KANSL1L: variants seen among roughly 807,000 people sequenced by gnomAD.
The protein encoded by KANSL1L is KAT8 regulatory NSL complex subunit 1 like.
A neutral mutation model predicts 108.6 loss-of-function variants in KANSL1L; 25 were observed. That is an observed-to-expected ratio of 0.23 (90% CI 0.17 to 0.32). The LOEUF is 0.32. Among genes scored for constraint, KANSL1L ranks in the 10% least tolerant of loss-of-function variants. The probability of loss-of-function intolerance (pLI) is 1.00; values close to 1 mark genes in which losing one functional copy is unlikely to be tolerated. For synonymous variants in KANSL1L, 405 were observed against 395.1 expected, an observed-to-expected ratio of 1.03 and a Z score of -0.30; for missense variants, 1,137 against 1,125.7, an observed-to-expected ratio of 1.01 and a Z score of -0.14.
chr2:210,033,209 ATGCACT>A (rs1488629180), intron 8 of KANSL1L, among the ~76,000 whole-genome samples: 2 of 152,236 alleles, frequency 1.3e-5, no homozygotes, highest in African/African-American at 2.4e-5. Flanking sequence ...GATTTCAACG[ATGCACT>A]TGCATGTCAA....
intron 5 of KANSL1L, among the ~76,000 whole-genome samples, chr2:210,093,738 C>A (rs2094712262): frequency 6.6e-6 from 1 of 151,964 alleles, no homozygotes; most frequent in Non-Finnish European, 1.5e-5. Flanking sequence ...CTAGAATACC[C>A]AAAACAATTA....
intron 6 of KANSL1L, 24 bp downstream of exon 6, chr2:210,075,528 T>G (rs780677230): frequency 6.6e-7 from 1 of 1,518,766 alleles, no homozygotes; most frequent in South Asian, 1.1e-5. Context: ...TTTGATCATG[T>G]TTTCTTCCCA....
intron 4 of KANSL1L, among the ~76,000 whole-genome samples, chr2:210,103,105 G>T (rs1352566515): frequency 3.3e-5 from 5 of 152,106 alleles, no homozygotes; most frequent in Non-Finnish European, 5.9e-5. Flanking sequence ...AAGAAAATGT[G>T]ACATATATAC....
chr2:210,075,471 A>G (rs749334753), intron 6 of KANSL1L, 81 bp downstream of exon 6: 29 of 910,860 alleles, frequency 3.2e-5, no homozygotes, highest in Non-Finnish European at 5.1e-5. Flanking sequence ...GTTATGCTAA[A>G]TAACAATCTA....
At chr2:210,085,478 T>C (rs1244565862) in intron 5 of KANSL1L, among the ~76,000 whole-genome samples, 4 of 152,152 alleles carry the variant, frequency 2.6e-5, no homozygotes, top group African/African-American at 4.8e-5. Flanking sequence ...ATGATAGCCA[T>C]ACTTTTCTAC....
chr2:210,101,373 T>TA (rs1185967511), intron 4 of KANSL1L, among the ~76,000 whole-genome samples: 2 of 152,094 alleles, frequency 1.3e-5, no homozygotes, highest in African/African-American at 2.4e-5. Context: ...AGGTCCAACC[T>TA]AAAAAAACTG....
intron 2 of KANSL1L, among the ~76,000 whole-genome samples, chr2:210,133,396 T>C (rs1008685591): frequency 6.6e-6 from 1 of 152,100 alleles, no homozygotes; most frequent in African/African-American, 2.4e-5. Flanking sequence ...ATACAGAACC[T>C]GGGAATACAG....
At chr2:210,170,735 C>T (rs1280323145) in intron 1 of KANSL1L, 1 of 152,280 alleles carries the variant, frequency 6.6e-6, no homozygotes, top group Non-Finnish European at 1.5e-5. Context: ...TCACCACACC[C>T]CCAATGGGTG....
intron 5 of KANSL1L, among the ~76,000 whole-genome samples, chr2:210,084,400 C>T (rs2094617777): frequency 6.6e-6 from 1 of 151,774 alleles, no homozygotes; most frequent in Non-Finnish European, 1.5e-5. Context: ...CCAGTCTGGG[C>T]AACAAGAGCG....
At chr2:210,034,798 C>G (rs930839686) in intron 8 of KANSL1L, among the ~76,000 whole-genome samples, 1 of 152,136 alleles carries the variant, frequency 6.6e-6, no homozygotes, top group Non-Finnish European at 1.5e-5. Flanking sequence ...TTCTGGCTTG[C>G]TTGTGTGGGT....
intron 6 of KANSL1L, among the ~76,000 whole-genome samples, chr2:210,069,869 C>T (rs2094494356): frequency 9.3e-6 from 1 of 107,124 alleles, no homozygotes; most frequent in African/African-American, 3.6e-5. Context: ...CACTCTGTCA[C>T]CCAGGCTGGA....
chr2:210,112,506 T>G (rs1184652975), intron 3 of KANSL1L, among the ~76,000 whole-genome samples: 1 of 152,092 alleles, frequency 6.6e-6, no homozygotes, highest in East Asian at 1.9e-4. Context: ...AAAATACCAT[T>G]TAAGAGTGAG....
intron 2 of KANSL1L, 114 bp downstream of exon 2, chr2:210,153,381 A>AT: frequency 1.3e-6 from 1 of 780,104 alleles, no homozygotes; most frequent in Non-Finnish European, 2.0e-6. Context: ...AAAAAAAAAA[A>AT]GATTATAGCA....
intron 12 of KANSL1L, chr2:210,026,310 G>C (rs1206091184): frequency 6.6e-6 from 1 of 152,116 alleles, no homozygotes; most frequent in South Asian, 2.1e-4. Flanking sequence ...AATTAGTTTG[G>C]TTATACAGTA....
intron 3 of KANSL1L, among the ~76,000 whole-genome samples, chr2:210,122,521 T>C (rs1317042803): frequency 1.3e-5 from 2 of 151,982 alleles, no homozygotes; most frequent in Non-Finnish European, 2.9e-5. Context: ...TATACAAAAA[T>C]CAAATCAAAA....
At chr2:210,125,293 T>C (rs1313428738) in intron 3 of KANSL1L, among the ~76,000 whole-genome samples, 2 of 151,988 alleles carry the variant, frequency 1.3e-5, no homozygotes, top group African/African-American at 2.4e-5. Context: ...AATAGGCCTA[T>C]ATAACTAGTA....
intron 5 of KANSL1L, among the ~76,000 whole-genome samples, chr2:210,094,080 A>C (rs1306662513): frequency 6.6e-6 from 1 of 152,168 alleles, no homozygotes; most frequent in African/African-American, 2.4e-5. Context: ...AGTATTGTTT[A>C]GTGGATATAG....
chr2:210,116,928 G>A (rs2094960665), intron 3 of KANSL1L, among the ~76,000 whole-genome samples: 1 of 152,188 alleles, frequency 6.6e-6, no homozygotes, highest in Non-Finnish European at 1.5e-5. Context: ...GAGAGACAGG[G>A]ATGTGACCTT....
In KANSL1L at chr2:210,129,192, T is replaced by C. The variant is rs777233601; in HGVS notation, c.1089-20A>G. 16 of 1,577,830 alleles carry C rather than the reference T, an allele frequency of 1.0e-5. No homozygotes were observed. Among genetic ancestry groups the C allele is most frequent in the Middle Eastern group, 1.7e-4 (1 of 5,964 alleles). ...CAGTTACTGTGAACAAAACAAACAC[T>C]GTTACTCAAAGCACAAAGGCAATCA... On this transcript the variant is annotated intron_variant, in intron 2 of 14. Transcript: ENST00000281772.
Sources: allele counts gnomAD v4.1 joint callset (sites outside exome capture counted in the v4.1 genomes callset), GRCh38; gene constraint gnomAD v4.1.1; transcripts MANE v1.5; gene names NCBI Gene and HGNC (gene_info 2026-07-23, HGNC 2026-07-21).